The following CNOT9 variants were observed in gnomAD, a reference collection of about 807,000 sequenced individuals.
CNOT9 encodes RCD1 required for cell differentiation1 homolog.
A neutral mutation model predicts 37.4 loss-of-function variants in CNOT9; 8 were observed. That is an observed-to-expected ratio of 0.21 (90% CI 0.13 to 0.39). The LOEUF (loss-of-function observed/expected upper bound fraction) is 0.39. Among genes scored for constraint, CNOT9 ranks in the 10% least tolerant of loss-of-function variants. CNOT9 has a pLI of 1.00. For missense variants in CNOT9, 154 were observed against 365.3 expected, an observed-to-expected ratio of 0.42 and a Z score of 4.71; for synonymous variants, 120 against 137.6, an observed-to-expected ratio of 0.87 and a Z score of 0.90.
intron 5 of CNOT9, chr2:218,589,139 G>C (rs1694693217): frequency 6.6e-6 from 1 of 151,412 alleles, no homozygotes; most frequent in African/African-American, 2.4e-5. Context: ...TACTTTTTTA[G>C]TCTAACAAAT....
chr2:218,593,462 C>CT (rs1462605512), intron 7 of CNOT9: 75 of 984,932 alleles, frequency 7.6e-5, no homozygotes, highest in Non-Finnish European at 9.3e-5. Context: ...GAAAACTAGT[C>CT]TGAGTGCAAA....
At chr2:218,587,831 A>T (rs1444664009) in intron 5 of CNOT9, 136 bp downstream of exon 5, 1 of 450,638 alleles carries the variant, frequency 2.2e-6, no homozygotes, top group African/African-American at 2.0e-5. Context: ...TTATTATGAA[A>T]CAATTATTGA....
At chr2:218,581,470 T>C (rs1038087449) in intron 2 of CNOT9, among the ~76,000 whole-genome samples, 11 of 152,000 alleles carry the variant, frequency 7.2e-5, no homozygotes, top group Non-Finnish European at 1.5e-4. Context: ...ATGCCTGGCC[T>C]GGAAAGGAAA....
chr2:218,589,193 T>G (rs1694695232), intron 5 of CNOT9: 1 of 152,176 alleles, frequency 6.6e-6, no homozygotes, highest in African/African-American at 2.4e-5. Flanking sequence ...ATGATTTTTT[T>G]GGCTTTTTAC....
rs1694920112 is a variant in CNOT9 at position 218,596,112 on chromosome 2, C to G, written c.*1836C>G. 1 of 152,188 alleles carries G rather than the reference C, an allele frequency of 6.6e-6. No individual in the cohort carries two copies. The highest frequency in any genetic ancestry group is 1.5e-5 in the Non-Finnish European group (1 of 68,074). The allele number at this position is 152,188 out of a possible 1,614,324, so 9.4% of individuals were successfully genotyped here. On this transcript the variant is annotated 3_prime_UTR_variant, in exon 8 of 8. Coordinates refer to ENST00000273064, the MANE Select transcript of CNOT9 (RefSeq NM_005444.3). ...TTTTGACAACCGCCTTCCTGCTGAG[C>G]CAAAGTTTTCTCATTACCCCTCCAC...
At chr2:218,571,018 C>T (rs1330711932) in intron 1 of CNOT9, among the ~76,000 whole-genome samples, 1 of 152,146 alleles carries the variant, frequency 6.6e-6, no homozygotes, top group Non-Finnish European at 1.5e-5. Context: ...ATTCTTCATG[C>T]CTTCCGTTGG....
At chr2:218,590,351 T>C (rs1252296005) in intron 5 of CNOT9, among the ~76,000 whole-genome samples, 2 of 152,238 alleles carry the variant, frequency 1.3e-5, no homozygotes, top group Non-Finnish European at 2.9e-5. Flanking sequence ...TTTTATACAA[T>C]ATTTTGTATT....
intron 2 of CNOT9, among the ~76,000 whole-genome samples, chr2:218,581,849 A>G (rs1476182252): frequency 2.0e-5 from 3 of 152,196 alleles, no homozygotes; most frequent in African/African-American, 7.2e-5. Context: ...TGGCAGACTG[A>G]GTTAGGAGGA....
At chr2:218,572,831 C>T (rs1214262950) in intron 1 of CNOT9, 1 of 317,468 alleles carries the variant, frequency 3.1e-6, no homozygotes, top group East Asian at 1.7e-4. Context: ...CCAGCAGCAT[C>T]ATTAGTTATT....
chr2:218,586,200 G>A (rs1694592023), intron 4 of CNOT9, among the ~76,000 whole-genome samples: 2 of 152,126 alleles, frequency 1.3e-5, no homozygotes, highest in Admixed American at 6.6e-5. Context: ...GAAATTGGCA[G>A]GCTGACTGCT....
intron 1 of CNOT9, among the ~76,000 whole-genome samples, chr2:218,570,095 T>C (rs1479128954): frequency 2.0e-5 from 3 of 152,140 alleles, no homozygotes; most frequent in Non-Finnish European, 2.9e-5. Flanking sequence ...TAGTACAAGA[T>C]TAAAGACTCA....
At chr2:218,590,253 G>C (rs1694729386) in intron 5 of CNOT9, among the ~76,000 whole-genome samples, 1 of 152,114 alleles carries the variant, frequency 6.6e-6, no homozygotes, top group South Asian at 2.1e-4. Context: ...ATTTTTAGTA[G>C]AGATGGAGTT....
intron 5 of CNOT9, among the ~76,000 whole-genome samples, chr2:218,590,907 C>T (rs995471085): frequency 2.6e-5 from 4 of 152,038 alleles, no homozygotes; most frequent in South Asian, 2.1e-4. Context: ...CTCACTGCAT[C>T]CTTGAACTCC....
At chr2:218,583,706 T>C (rs901137855) in intron 3 of CNOT9, among the ~76,000 whole-genome samples, 1 of 152,208 alleles carries the variant, frequency 6.6e-6, no homozygotes, top group African/African-American at 2.4e-5. Flanking sequence ...AGTTTCCTTA[T>C]GAAATATGTA....
At chr2:218,569,106 G>T (rs1274817990) in intron 1 of CNOT9, 128 bp downstream of exon 1, 7 of 987,664 alleles carry the variant, frequency 7.1e-6, no homozygotes, top group African/African-American at 1.7e-5. Flanking sequence ...CCAAGGCCCC[G>T]GTTCCCCTCC....
intron 2 of CNOT9, chr2:218,581,065 T>A: frequency 2.0e-6 from 1 of 490,574 alleles, no homozygotes; most frequent in Non-Finnish European, 4.0e-6. Context: ...GTAAGATAAA[T>A]CTACATGACA....
intron 1 of CNOT9, among the ~76,000 whole-genome samples, chr2:218,572,863 G>A (rs1694043305): frequency 2.0e-5 from 3 of 152,148 alleles, no homozygotes; most frequent in African/African-American, 7.2e-5. Context: ...TATTGAAGCT[G>A]TCATGGACTG....
At chr2:218,589,084 G>A (rs1008687408) in intron 5 of CNOT9, 1 of 151,590 alleles carries the variant, frequency 6.6e-6, no homozygotes, top group African/African-American at 2.4e-5. Flanking sequence ...ACAATTTTGG[G>A]TAGTATTCAA....
chr2:218,588,075 G>T (rs773574585), intron 5 of CNOT9, among the ~76,000 whole-genome samples: 1 of 151,958 alleles, frequency 6.6e-6, no homozygotes, highest in Admixed American at 6.6e-5. Flanking sequence ...ACATGACAAG[G>T]TACAGAATTC....
Sources: gnomAD v4.1 joint callset for allele counts (sites outside exome capture counted in the v4.1 genomes callset) on GRCh38, gnomAD v4.1.1 for gene constraint, MANE v1.5 for transcripts, NCBI Gene and HGNC (gene_info 2026-07-23, HGNC 2026-07-21) for gene names.